ADAMTS6: variants seen among roughly 807,000 people sequenced by gnomAD.
ADAMTS6 encodes ADAM metallopeptidase with thrombospondin type 1 motif 6, also known as A disintegrin and metalloproteinase with thrombospondin motifs 6.
Under a neutral mutation model 144.3 loss-of-function variants are expected in ADAMTS6, and 23 were observed. That is an observed-to-expected ratio of 0.16 (90% CI 0.11 to 0.23). The LOEUF (loss-of-function observed/expected upper bound fraction) is 0.23, where lower values mean the gene tolerates loss of function less well. Among genes scored for constraint, ADAMTS6 ranks in the 10% least tolerant of loss-of-function variants. The probability of loss-of-function intolerance (pLI) is 1.00; values close to 1 mark genes in which losing one functional copy is unlikely to be tolerated. For missense variants in ADAMTS6, 999 were observed against 1,379.6 expected, an observed-to-expected ratio of 0.72 and a Z score of 4.37; for synonymous variants, 444 against 457.5, an observed-to-expected ratio of 0.97 and a Z score of 0.38.
chr5:65,240,311 A>C (rs926942088), intron 15 of ADAMTS6, among the ~76,000 whole-genome samples: 1 of 152,144 alleles, frequency 6.6e-6, no homozygotes, highest in African/African-American at 2.4e-5. Context: ...GATAGATCTC[A>C]AAAACATTAG....
intron 9 of ADAMTS6, among the ~76,000 whole-genome samples, chr5:65,326,579 C>T (rs918472858): frequency 5.9e-5 from 9 of 152,188 alleles, no homozygotes; most frequent in African/African-American, 2.2e-4. Context: ...AATATTCACA[C>T]AGTCTAGTTA....
chr5:65,332,031 A>C (rs1337461295), intron 8 of ADAMTS6, among the ~76,000 whole-genome samples: 2 of 151,928 alleles, frequency 1.3e-5, no homozygotes, highest in African/African-American at 4.8e-5. Context: ...TGAGAAAAAT[A>C]AAATGAGAAG....
chr5:65,351,724 G>C (rs1175659504), intron 7 of ADAMTS6, among the ~76,000 whole-genome samples: 1 of 151,976 alleles, frequency 6.6e-6, no homozygotes, highest in Non-Finnish European at 1.5e-5. Flanking sequence ...TGAAGCCCCT[G>C]TGTGCTATAA....
In ADAMTS6 at chr5:65,216,669, G is replaced by T. The variant is rs143067484; in HGVS notation, c.2273-1182C>A. On this transcript the variant is annotated intron_variant, in intron 18 of 24. Coordinates refer to ENST00000381055, the MANE Select transcript of ADAMTS6 (RefSeq NM_197941.4). ...TAAAATGTCAGGAGAAAATATAAAAGAACTTTTTTTCTCATAATATTGTGT... is the reference window on the plus strand; with the variant it reads ...TAAAATGTCAGGAGAAAATATAAAATAACTTTTTTTCTCATAATATTGTGT... Among the ~76,000 whole-genome samples, 878 of 151,712 alleles carry T rather than the reference G, an allele frequency of 5.8e-3. 8 individuals carry two copies. Among genetic ancestry groups the T allele is most frequent in the African/African-American group, 0.02 (848 of 41,370 alleles).
chr5:65,301,972 G>T (rs1378683244), intron 9 of ADAMTS6, among the ~76,000 whole-genome samples: 1 of 150,500 alleles, frequency 6.6e-6, no homozygotes, highest in Non-Finnish European at 1.5e-5. Context: ...TGCTCCTGTA[G>T]TTCCAGCTAC....
intron 7 of ADAMTS6, among the ~76,000 whole-genome samples, chr5:65,404,151 GT>G (rs960103059): frequency 1.6e-4 from 24 of 148,360 alleles, no homozygotes; most frequent in African/African-American, 2.7e-4. Context: ...AATTCACTTA[GT>G]TTTTTTTTTA....
intron 9 of ADAMTS6, among the ~76,000 whole-genome samples, chr5:65,321,775 G>C (rs532983194): frequency 1.4e-5 from 2 of 140,556 alleles, no homozygotes; most frequent in African/African-American, 5.4e-5. Flanking sequence ...GAGTGCAATG[G>C]CACGATCTCA....
intron 9 of ADAMTS6, among the ~76,000 whole-genome samples, chr5:65,326,458 C>G (rs1240076894): frequency 6.6e-6 from 1 of 152,052 alleles, no homozygotes; most frequent in African/African-American, 2.4e-5. Flanking sequence ...GTCACTAAGG[C>G]TTAGCCAAAG....
intron 20 of ADAMTS6, among the ~76,000 whole-genome samples, chr5:65,207,419 A>T (rs1756182295): frequency 6.6e-6 from 1 of 152,178 alleles, no homozygotes; most frequent in Admixed American, 6.5e-5. Flanking sequence ...CTGCAAATAA[A>T]CTATTCTTAA....
chr5:65,338,721 C>A lies in ADAMTS6; in HGVS notation c.1074-4636G>T, dbSNP rs1747545601. ...ATGGGCCACCTGCAGCAGACACCCA[C>A]CCAGGCCAGCCAAGAAGTCATGTGA... On this transcript the variant is annotated intron_variant, in intron 7 of 24. Transcript: ENST00000381055. Among the ~76,000 whole-genome samples the A allele has an allele frequency of 2.0e-5, 3 of 152,240 alleles. No individual in the cohort carries two copies. The South Asian group carries it at 6.2e-4, about 32-fold the overall frequency.
chr5:65,379,719 C>T (rs923833266), intron 7 of ADAMTS6, among the ~76,000 whole-genome samples: 4 of 151,940 alleles, frequency 2.6e-5, no homozygotes, highest in African/African-American at 7.3e-5. Flanking sequence ...TTCATGTCCT[C>T]GATACCTGGC....
intron 24 of ADAMTS6, among the ~76,000 whole-genome samples, chr5:65,155,002 C>G (rs1752331454): frequency 6.6e-6 from 1 of 152,150 alleles, no homozygotes; most frequent in Non-Finnish European, 1.5e-5. Context: ...TATGGAGATT[C>G]CTAGGCTGTA....
chr5:65,282,047 T>C (rs1763028746), intron 11 of ADAMTS6, among the ~76,000 whole-genome samples: 1 of 152,142 alleles, frequency 6.6e-6, no homozygotes, highest in Non-Finnish European at 1.5e-5. Flanking sequence ...TTACAATTAT[T>C]ATATCATTAA....
intron 9 of ADAMTS6, among the ~76,000 whole-genome samples, chr5:65,318,857 A>G (rs1304003650): frequency 2.6e-5 from 4 of 152,192 alleles, no homozygotes. Context: ...ATTTAATTAT[A>G]CATTTAAAAT....
rs564424245 is a variant in ADAMTS6 at position 65,452,148 on chromosome 5, A to G, written c.912T>C (p.Val304=). The stretch of plus-strand genomic sequence containing the variant: ...TCATTCTTACCTGATCTTCTGTGAG[A>G]ACAATTAAGCGGGCCACTATAATAT... ...VVNIIVARLI[V]LTEDQPNLEI... The change falls in exon 6 of 25, where the codon GTT becomes GTC. Residue 304 remains valine, a synonymous_variant. Transcript: ENST00000381055. 3.7e-6 allele frequency: 6 copies of G among 1,609,738 alleles called. No homozygotes were observed. In the South Asian group the frequency reaches 6.7e-5, roughly 18 times the overall value.
chr5:65,450,984 T>A (rs1017360506), intron 7 of ADAMTS6, among the ~76,000 whole-genome samples: 3 of 152,202 alleles, frequency 2.0e-5, no homozygotes, highest in African/African-American at 7.2e-5. Context: ...TGTTTATATA[T>A]CTTAAAGTAT....
intron 7 of ADAMTS6, among the ~76,000 whole-genome samples, chr5:65,355,852 A>G (rs1246757331): frequency 6.6e-6 from 1 of 151,872 alleles, no homozygotes; most frequent in Non-Finnish European, 1.5e-5. Context: ...CTCTTCAGGC[A>G]TAAGATTATT....
intron 7 of ADAMTS6, among the ~76,000 whole-genome samples, chr5:65,419,967 A>G (rs1056177876): frequency 2.0e-5 from 3 of 152,218 alleles, no homozygotes; most frequent in Non-Finnish European, 4.4e-5. Flanking sequence ...ACATTGCTAT[A>G]AGGAAATACC....
Position 65,214,948 on chromosome 5 carries a change from A to G in ADAMTS6, c.2437-16T>C. On this transcript the variant is annotated splice_polypyrimidine_tract_variant and intron_variant, in intron 19 of 24. Transcript: ENST00000381055. This position sits in a 1 kb window ranked among gnomAD's most constrained non-coding sequence, Gnocchi z 4.6. Reference sequence around the variant, plus strand: ...GAAGCAGAACCTGCCATTGAAAACAACTGGTGAAGACAATTAAAATACAAT... The same window carrying G: ...GAAGCAGAACCTGCCATTGAAAACAGCTGGTGAAGACAATTAAAATACAAT... 1 of 1,605,724 alleles carries G rather than the reference A, an allele frequency of 6.2e-7. No individual in the cohort carries two copies. Among genetic ancestry groups the G allele is most frequent in the East Asian group, 2.2e-5 (1 of 44,800 alleles).
Sources: gnomAD v4.1 joint callset for allele counts (sites outside exome capture counted in the v4.1 genomes callset) on GRCh38, gnomAD v4.1.1 for gene constraint, Gnocchi (gnomAD v3.1) non-coding constraint, MANE v1.5 for transcripts, NCBI Gene and HGNC (gene_info 2026-07-23, HGNC 2026-07-21) for gene names.